The following GPC6 variants were observed in gnomAD, a reference collection of about 807,000 sequenced individuals.
GPC6 encodes glypican-6.
A neutral mutation model predicts 55.2 loss-of-function variants in GPC6; 14 were observed. That is an observed-to-expected ratio of 0.25 (90% CI 0.17 to 0.40). The LOEUF (loss-of-function observed/expected upper bound fraction) is 0.40, where lower values mean the gene tolerates loss of function less well. Ranked by LOEUF, GPC6 falls within the 10% of genes least tolerant of loss-of-function variation. GPC6 has a pLI of 1.00. For missense variants in GPC6, 641 were observed against 708.5 expected (o/e 0.90, Z 1.08); for synonymous variants, 278 against 259.6 (o/e 1.07, Z -0.68).
chr13:93,938,624 CAAAG>C (rs1358297705), intron 3 of GPC6, among the ~76,000 whole-genome samples: 1 of 152,076 alleles, frequency 6.6e-6, no homozygotes, highest in East Asian at 1.9e-4. Context: ...AATTGAATGA[CAAAG>C]AAAATCTTCC....
At chr13:93,638,919 A>G (rs1268591549) in intron 2 of GPC6, among the ~76,000 whole-genome samples, 3 of 152,158 alleles carry the variant, frequency 2.0e-5, no homozygotes, top group African/African-American at 7.2e-5. Context: ...AATAGTGTAT[A>G]TGTTAAATCA....
At chr13:93,808,779 G>T (rs943412221) in intron 2 of GPC6, among the ~76,000 whole-genome samples, 2 of 152,144 alleles carry the variant, frequency 1.3e-5, no homozygotes, top group Non-Finnish European at 2.9e-5. Flanking sequence ...AGCTAAATCA[G>T]AACAGAACCA....
At chr13:93,278,523 A>T (rs1465440184) in intron 1 of GPC6, among the ~76,000 whole-genome samples, 1 of 152,220 alleles carries the variant, frequency 6.6e-6, no homozygotes, top group Non-Finnish European at 1.5e-5. Flanking sequence ...TATTCTTATA[A>T]GACATTTTGA....
At chr13:93,289,107 A>G (rs1157945164) in intron 1 of GPC6, among the ~76,000 whole-genome samples, 1 of 152,172 alleles carries the variant, frequency 6.6e-6, no homozygotes, top group Non-Finnish European at 1.5e-5. Context: ...GGGATGTTAT[A>G]CTGACCCATA....
intron 4 of GPC6, among the ~76,000 whole-genome samples, chr13:94,090,360 A>G (rs1854401): frequency 0.79 from 120,777 of 152,026 alleles, 48,296 homozygotes; most frequent in South Asian, 0.88. Flanking sequence ...ATTTGGGTGG[A>G]GAGACAGCCA....
chr13:93,507,285 C>T (rs1034382410), intron 1 of GPC6, among the ~76,000 whole-genome samples: 3 of 152,056 alleles, frequency 2.0e-5, no homozygotes, highest in Non-Finnish European at 4.4e-5. Flanking sequence ...TGGACTAGAG[C>T]CCACCTTCTC....
intron 7 of GPC6, among the ~76,000 whole-genome samples, chr13:94,388,329 T>C (rs1340336644): frequency 3.3e-5 from 5 of 152,178 alleles, no homozygotes; most frequent in Non-Finnish European, 7.3e-5. Flanking sequence ...ACAACAGCAA[T>C]ATGAGCTAGG....
chr13:94,182,886 C>T (rs185123485), intron 4 of GPC6, among the ~76,000 whole-genome samples: 12 of 152,262 alleles, frequency 7.9e-5, no homozygotes, highest in African/African-American at 2.9e-4. Flanking sequence ...AGTGATCCTC[C>T]CACCTCAGCC....
chr13:94,038,632 A>C (rs937641824), intron 4 of GPC6, among the ~76,000 whole-genome samples: 2 of 151,970 alleles, frequency 1.3e-5, no homozygotes, highest in East Asian at 3.9e-4. Flanking sequence ...TGGAGATAAT[A>C]GTACGTACCT....
chr13:94,177,873 C>G (rs929799331), intron 4 of GPC6, among the ~76,000 whole-genome samples: 1 of 152,100 alleles, frequency 6.6e-6, no homozygotes, highest in African/African-American at 2.4e-5. Context: ...TCATCTTCCT[C>G]TGAATACATA....
chr13:93,690,690 T>C (rs1882228545), intron 2 of GPC6, among the ~76,000 whole-genome samples: 1 of 152,114 alleles, frequency 6.6e-6, no homozygotes, highest in African/African-American at 2.4e-5. Flanking sequence ...TCATTCTCTA[T>C]GTTAAACCTA....
At chr13:94,147,792 G>C (rs1164005471) in intron 4 of GPC6, among the ~76,000 whole-genome samples, 4 of 151,976 alleles carry the variant, frequency 2.6e-5, no homozygotes, top group Non-Finnish European at 4.4e-5. Flanking sequence ...GTGAATACAT[G>C]CTCCACATTT....
intron 4 of GPC6, among the ~76,000 whole-genome samples, chr13:94,153,692 T>G (rs976538663): frequency 9.2e-5 from 14 of 152,212 alleles, no homozygotes; most frequent in African/African-American, 3.1e-4. Context: ...AGGAGTTAAA[T>G]GTGGACTAGG....
At chr13:93,701,636 T>G (rs962962803) in intron 2 of GPC6, among the ~76,000 whole-genome samples, 1 of 152,096 alleles carries the variant, frequency 6.6e-6, no homozygotes, top group South Asian at 2.1e-4. Flanking sequence ...AGTAGCATTT[T>G]ACTCACAGAA....
At chr13:93,610,492 TAAAC>T (rs971265118) in intron 2 of GPC6, among the ~76,000 whole-genome samples, 3 of 152,050 alleles carry the variant, frequency 2.0e-5, no homozygotes, top group African/African-American at 7.2e-5. Flanking sequence ...TCAGGGGAGA[TAAAC>T]AATAAACAAG....
chr13:94,263,213 CAGGGG>C (rs773204996), intron 4 of GPC6, among the ~76,000 whole-genome samples: 1 of 152,292 alleles, frequency 6.6e-6, no homozygotes, highest in Non-Finnish European at 1.5e-5. Flanking sequence ...AGCCCAGGAT[CAGGGG>C]AATTCACTAG....
At chr13:94,234,418 C>G (rs942645917) in intron 4 of GPC6, among the ~76,000 whole-genome samples, 2 of 151,330 alleles carry the variant, frequency 1.3e-5, no homozygotes, top group African/African-American at 4.9e-5. Flanking sequence ...GAAGATGTTT[C>G]TTTTCTACAT....
chr13:93,257,623 T>A (rs867681253), intron 1 of GPC6, among the ~76,000 whole-genome samples: 27 of 152,184 alleles, frequency 1.8e-4, no homozygotes, highest in African/African-American at 5.8e-4. Context: ...TCTCGCATAA[T>A]CCTTACATCA....
At chr13:93,904,246 G>T (rs1876514523) in intron 3 of GPC6, among the ~76,000 whole-genome samples, 1 of 152,278 alleles carries the variant, frequency 6.6e-6, no homozygotes, top group Non-Finnish European at 1.5e-5. Flanking sequence ...ACTTTGGGTA[G>T]ATTATGAGGT....
Sources: gnomAD v4.1 joint callset for allele counts (sites outside exome capture counted in the v4.1 genomes callset) on GRCh38, gnomAD v4.1.1 for gene constraint, MANE v1.5 for transcripts, NCBI Gene and HGNC (gene_info 2026-07-23, HGNC 2026-07-21) for gene names.